CCDC171: variants seen among roughly 807,000 people sequenced by gnomAD.
The protein encoded by CCDC171 is coiled-coil domain containing 171.
Under a neutral mutation model 168.2 loss-of-function variants are expected in CCDC171, and 177 were observed. The observed-to-expected ratio is 1.05, with a 90% CI of 0.93 to 1.19. The LOEUF is 1.19. CCDC171 is among the 50% of genes most tolerant of loss of function. The probability of loss-of-function intolerance (pLI) is 0.00; values close to 1 mark genes in which losing one functional copy is unlikely to be tolerated. For synonymous variants in CCDC171, 687 were observed against 540.8 expected, an observed-to-expected ratio of 1.27 and a Z score of -3.75; for missense variants, 1,991 against 1,539.0, an observed-to-expected ratio of 1.29 and a Z score of -4.91.
At position 15,604,950 on chromosome 9, in the gene CCDC171, C is replaced by G. The variant is rs116539790; in HGVS notation, c.675+10778C>G. Among the ~76,000 whole-genome samples the G allele has an allele frequency of 6.1e-3, 933 of 152,270 alleles. 9 individuals carry two copies. Among genetic ancestry groups the G allele is most frequent in the African/African-American group, 0.022 (908 of 41,558 alleles). On this transcript the variant is annotated intron_variant, in intron 6 of 25. Transcript: ENST00000380701. ...TTTATATTTTTGAGACAAGGTCTCA[C>G]TCTGTTGCCCATGTTGGAGTGCAGC...
intron 11 of CCDC171, among the ~76,000 whole-genome samples, chr9:15,701,443 T>G (rs1490565268): frequency 6.6e-6 from 1 of 152,180 alleles, no homozygotes; most frequent in Admixed American, 6.5e-5. Flanking sequence ...CTACTTTCAT[T>G]CTTCTACATA....
chr9:15,752,673 A>G (rs1382879774), intron 18 of CCDC171, among the ~76,000 whole-genome samples: 1 of 152,170 alleles, frequency 6.6e-6, no homozygotes, highest in Admixed American at 6.5e-5. Flanking sequence ...GTTCTCACTC[A>G]TAAGTGGGAG....
chr9:15,713,217 C>G (rs1212027646), intron 11 of CCDC171, among the ~76,000 whole-genome samples: 1 of 152,166 alleles, frequency 6.6e-6, no homozygotes, highest in African/African-American at 2.4e-5. Context: ...TACCACTGTT[C>G]TCCCGAGCCA....
At chr9:15,630,238 G>A (rs1475682004) in intron 7 of CCDC171, among the ~76,000 whole-genome samples, 1 of 152,092 alleles carries the variant, frequency 6.6e-6, no homozygotes, top group Non-Finnish European at 1.5e-5. Context: ...CTGGCAAATT[G>A]GATACAGTCA....
At chr9:15,856,424 A>G (rs1346257207) in intron 23 of CCDC171, among the ~76,000 whole-genome samples, 1 of 151,980 alleles carries the variant, frequency 6.6e-6, no homozygotes, top group East Asian at 1.9e-4. Flanking sequence ...TATAAGTGGA[A>G]TTATGTGGTA....
intron 1 of CCDC171, among the ~76,000 whole-genome samples, chr9:16,050,878 G>A (rs550879156): frequency 3.6e-4 from 55 of 152,304 alleles, no homozygotes; most frequent in Admixed American, 3.5e-3. Context: ...TATATCCGAT[G>A]ACCACAGTTA....
At chr9:16,069,862 C>T in the CCDC171 span, among the ~76,000 whole-genome samples, 1 of 152,172 alleles carries the variant, frequency 6.6e-6, no homozygotes, top group African/African-American at 2.4e-5. Context: ...CACTCAGATT[C>T]CTAAGGGGAG....
At position 15,828,090 on chromosome 9, in the gene CCDC171, T is replaced by C. The variant is rs552534094; in HGVS notation, c.3268-18612T>C. Among the ~76,000 whole-genome samples, 3 of 152,298 alleles carry C rather than the reference T, an allele frequency of 2.0e-5. No individual in the cohort carries two copies. The South Asian group carries it at 6.2e-4, about 32-fold the overall frequency. On this transcript the variant is annotated intron_variant, in intron 21 of 25. Transcript: ENST00000380701. ...TACACTGTAAGATTAATAGTACTGC[T>C]AACAACAAAGAGATAGGGCAGGGGA... is the stretch of plus-strand genomic sequence containing the variant.
chr9:15,656,504 C>T (rs1311466082), intron 7 of CCDC171, among the ~76,000 whole-genome samples: 1 of 152,140 alleles, frequency 6.6e-6, no homozygotes, highest in Non-Finnish European at 1.5e-5. Context: ...AGTAGGTGAA[C>T]AGATAAACCA....
At chr9:15,646,518 A>G (rs1193580217) in intron 7 of CCDC171, among the ~76,000 whole-genome samples, 2 of 152,260 alleles carry the variant, frequency 1.3e-5, no homozygotes, top group African/African-American at 4.8e-5. Context: ...TCTCATGTGC[A>G]GAGACACACA....
At chr9:15,829,433 T>TGAGAA (rs1486254338) in intron 21 of CCDC171, among the ~76,000 whole-genome samples, 1 of 152,098 alleles carries the variant, frequency 6.6e-6, no homozygotes, top group Non-Finnish European at 1.5e-5. Context: ...CATGTAAAGA[T>TGAGAA]GAGAAGAGGG....
chr9:15,644,853 G>A (rs2132620184), intron 7 of CCDC171, among the ~76,000 whole-genome samples: 1 of 152,328 alleles, frequency 6.6e-6, no homozygotes, highest in East Asian at 1.9e-4. Flanking sequence ...AGAAACCTCT[G>A]CAGACTTAAA....
chr9:15,752,268 G>A (rs111438316), intron 18 of CCDC171, among the ~76,000 whole-genome samples: 6,964 of 152,254 alleles, frequency 0.046, 350 homozygotes, highest in South Asian at 0.12. Context: ...ATGCTGGAGA[G>A]GATGTGGAGA....
At chr9:15,589,289 T>C (rs1345282517) in intron 4 of CCDC171, among the ~76,000 whole-genome samples, 2 of 152,202 alleles carry the variant, frequency 1.3e-5, no homozygotes, top group East Asian at 3.8e-4. Flanking sequence ...CTTAACTCCC[T>C]TAAGCCCAGA....
At chr9:15,674,116 G>T (rs1300238377) in intron 9 of CCDC171, among the ~76,000 whole-genome samples, 2 of 152,114 alleles carry the variant, frequency 1.3e-5, no homozygotes, top group African/African-American at 4.8e-5. Context: ...ATTTCTTCTA[G>T]ATTTTCTAGT....
intron 7 of CCDC171, among the ~76,000 whole-genome samples, chr9:15,625,754 G>A (rs1030369361): frequency 5.3e-5 from 8 of 152,302 alleles, no homozygotes; most frequent in Admixed American, 2.6e-4. Context: ...GTAGCGTGAT[G>A]CCTCCAGCTT....
intron 6 of CCDC171, among the ~76,000 whole-genome samples, chr9:16,026,794 T>C (rs1833282955): frequency 6.6e-6 from 1 of 152,206 alleles, no homozygotes; most frequent in African/African-American, 2.4e-5. Context: ...TAAAAAGCAA[T>C]AATAAAGCAT....
chr9:15,635,432 G>A (rs115966848), intron 7 of CCDC171, among the ~76,000 whole-genome samples: 4 of 152,036 alleles, frequency 2.6e-5, no homozygotes, highest in Non-Finnish European at 5.9e-5. Flanking sequence ...TGAAGAACTT[G>A]GAGTCTGATG....
chr9:15,976,201 G>T (rs1831615480), downstream of CCDC171, among the ~76,000 whole-genome samples: 1 of 152,120 alleles, frequency 6.6e-6, no homozygotes, highest in African/African-American at 2.4e-5. Flanking sequence ...CACAGCCACC[G>T]AAGGAAACTA....
Sources: allele counts gnomAD v4.1 joint callset (sites outside exome capture counted in the v4.1 genomes callset), GRCh38; gene constraint gnomAD v4.1.1; transcripts MANE v1.5; gene names NCBI Gene and HGNC (gene_info 2026-07-23, HGNC 2026-07-21).